Variants in DNAH17 observed in about 807,000 individuals in gnomAD.
DNAH17 encodes the protein dynein axonemal heavy chain 17.
Under a neutral mutation model 485.6 loss-of-function variants are expected in DNAH17, and 376 were observed. That is an observed-to-expected ratio of 0.77 (90% confidence interval 0.71 to 0.84). The LOEUF is 0.84. Among genes scored for constraint, DNAH17 ranks in the 40% least tolerant of loss-of-function variants. The pLI, the probability that DNAH17 is intolerant of heterozygous loss-of-function variation, is 0.00. For synonymous variants in DNAH17, 3,031 were observed against 2,405.9 expected (o/e 1.26, Z -7.60); for missense variants, 6,370 against 5,839.3 (o/e 1.09, Z -2.96).
intron 17 of DNAH17, among the ~76,000 whole-genome samples, chr17:78,541,295 TG>T (rs1450947030): frequency 1.3e-4 from 2 of 15,600 alleles, no homozygotes; most frequent in East Asian, 4.0e-3. Context: ...GATGGGTGGG[TG>T]GGGTGGGTGG....
At position 78,466,027 on chromosome 17, in the gene DNAH17, TTGCCGTGTCTG is replaced by T. The variant is rs370004454; in HGVS notation, c.8940+617_8940+627del. ...GGGAAGGGATTGAGAAATCGGATGGTTGCCGTGTCTGTGTAGAAAGAAGTAGACATGGGAGA... is the reference window on the plus strand; with the variant it reads ...GGGAAGGGATTGAGAAATCGGATGGTTGTAGAAAGAAGTAGACATGGGAGA... On this transcript the variant is annotated intron_variant, in intron 56 of 80. Coordinates refer to ENST00000389840, the MANE Select transcript of DNAH17 (RefSeq NM_173628.4). Among the ~76,000 whole-genome samples the T allele has an allele frequency of 2.5e-4, 38 of 152,206 alleles. 1 individual carries two copies. In the South Asian group the frequency reaches 7.9e-3, roughly 32 times the overall value.
chr17:78,503,708 G>A (rs1253174064), intron 31 of DNAH17, among the ~76,000 whole-genome samples: 3 of 151,292 alleles, frequency 2.0e-5, no homozygotes, highest in African/African-American at 7.3e-5. Flanking sequence ...GCTCATGTCT[G>A]TAATCCCAGC....
Position 78,513,283 on chromosome 17 carries a change from A to C in DNAH17, c.4113+1491T>G, listed in dbSNP as rs145789711. The stretch of plus-strand genomic sequence containing the variant: ...GACCAAACAGAATGTTTGTAGCAAC[A>C]TGATACAACACATGACAGATAGCAG... On this transcript the variant is annotated intron_variant, in intron 26 of 80. Coordinates refer to ENST00000389840, the MANE Select transcript of DNAH17 (RefSeq NM_173628.4). Among the ~76,000 whole-genome samples the C allele has an allele frequency of 2.2e-3, 342 of 152,290 alleles. 4 individuals carry two copies. Among genetic ancestry groups the C allele is most frequent in the African/African-American group, 8.0e-3 (331 of 41,562 alleles).
intron 13 of DNAH17, among the ~76,000 whole-genome samples, 189 bp downstream of exon 13, chr17:78,560,551 A>G (rs1010772991): frequency 6.6e-5 from 10 of 152,162 alleles, no homozygotes; most frequent in African/African-American, 2.4e-4. Flanking sequence ...TACTCATTGA[A>G]GCTATTGTCA....
intron 40 of DNAH17, 148 bp from the exon 41 acceptor site, chr17:78,494,321 A>C: frequency 1.0e-5 from 13 of 1,251,186 alleles, no homozygotes; most frequent in Non-Finnish European, 1.4e-5. Context: ...TTCTGCTGTC[A>C]ATGCCGAGAG....
intron 55 of DNAH17, among the ~76,000 whole-genome samples, chr17:78,467,967 A>G (rs2088557247): frequency 6.6e-6 from 1 of 151,508 alleles, no homozygotes; most frequent in Non-Finnish European, 1.5e-5. Context: ...GCAGTGAGCT[A>G]AGATCACGCC....
chr17:78,502,834 T>C, intron 32 of DNAH17, 52 bp downstream of exon 32: 5 of 1,596,990 alleles, frequency 3.1e-6, no homozygotes, highest in Non-Finnish European at 4.3e-6. Context: ...GCAAAGAAAC[T>C]CGCCCCTTAT....
Position 78,518,086 on chromosome 17 carries a change from A to G in DNAH17, c.3865-3064T>C, listed in dbSNP as rs76560350. On this transcript the variant is annotated intron_variant, in intron 25 of 80. Transcript: ENST00000389840. ...GTTAAAATAAAAGAGAGTCAGAGGA[A>G]TAAGAAACAAAGGGAACAAACAGAA... is the stretch of plus-strand genomic sequence containing the variant. 6.4e-3 allele frequency among the ~76,000 whole-genome samples: 977 copies of G among 152,336 alleles called. 24 individuals are homozygous for G. Among genetic ancestry groups the G allele is most frequent in the East Asian group, 0.046 (237 of 5,186 alleles).
intron 74 of DNAH17, 149 bp from the exon 75 acceptor site, chr17:78,434,369 C>CT (rs1197057182): frequency 3.1e-6 from 2 of 636,150 alleles, no homozygotes; most frequent in South Asian, 4.8e-5. Flanking sequence ...GTGCAGGTCT[C>CT]TATCAGACCC....
Position 78,575,026 on chromosome 17 carries a change from T to C in DNAH17, c.32A>G (p.Tyr11Cys). 5 of 1,613,890 alleles carry C rather than the reference T, an allele frequency of 3.1e-6. No homozygotes were observed. Among genetic ancestry groups the C allele is most frequent in the Non-Finnish European group, 3.4e-6 (4 of 1,179,838 alleles). Reference sequence around the variant, plus strand: ...GACGATGGAGGCAACTTCCTCCAGATACTCTAGTCTGACGTCCGGGGCCAT... The same window carrying C: ...GACGATGGAGGCAACTTCCTCCAGACACTCTAGTCTGACGTCCGGGGCCAT... MTMAPDVRLE[Y>C]LEEVASIVLK... The change falls in exon 2 of 81, where the codon TAT becomes TGT. Residue 11 changes from tyrosine (Y) to cysteine (C), a missense_variant. Physicochemically the swap from Tyr to Cys is radical, Grantham distance 194. Coordinates refer to ENST00000389840, the MANE Select transcript of DNAH17 (RefSeq NM_173628.4).
chr17:78,510,342 C>A (rs1239481080), intron 27 of DNAH17, 42 bp downstream of exon 27: 1 of 1,602,550 alleles, frequency 6.2e-7, no homozygotes, highest in Non-Finnish European at 8.5e-7. Context: ...CAGTTTCAGG[C>A]TGATCCCACG....
intron 11 of DNAH17, among the ~76,000 whole-genome samples, chr17:78,562,427 TA>T (rs1331248141): frequency 6.6e-6 from 1 of 151,504 alleles, no homozygotes; most frequent in African/African-American, 2.4e-5. Flanking sequence ...CTACAAAAAA[TA>T]AAAATAAAAA....
At position 78,490,856 on chromosome 17, in the gene DNAH17, G is replaced by C; in HGVS notation, c.6670-9C>G. 1 of 1,589,164 alleles carries C rather than the reference G, an allele frequency of 6.3e-7. No individual in the cohort carries two copies. Among genetic ancestry groups the C allele is most frequent in the Non-Finnish European group, 8.6e-7 (1 of 1,166,264 alleles). ...CTGGCCAGGGTGAGGACCTAGGAGG[G>C]GGACAGCAGCCCGTGGGGTCCTAAG... On this transcript the variant is annotated splice_polypyrimidine_tract_variant and intron_variant, in intron 43 of 80. Transcript: ENST00000389840.
chr17:78,485,673 C>T lies in DNAH17; in HGVS notation c.7360G>A (p.Val2454Met), dbSNP rs754342046. 1.9e-6 allele frequency: 3 copies of T among 1,614,010 alleles called. No individual in the cohort carries two copies. Among genetic ancestry groups the T allele is most frequent in the East Asian group, 4.5e-5 (2 of 44,888 alleles). ...GACTTGCCCGTCCCCGCGTTCCCCA[C>T]CAGCATCACCGGCCAGGACTTCTCC... ...LMEKSWPVML[V>M]GNAGTGKSVL... The change falls in exon 47 of 81, where the codon GTG becomes ATG. Residue 2454 changes from valine (V) to methionine (M), a missense_variant. Transcript: ENST00000389840.
intron 74 of DNAH17, among the ~76,000 whole-genome samples, chr17:78,435,287 C>G (rs16971269): frequency 0.26 from 39,211 of 152,102 alleles, 5,324 homozygotes; most frequent in Middle Eastern, 0.35. Flanking sequence ...CAGAGTCCAT[C>G]CGATCCGGTG....
chr17:78,553,303 T>G (rs1487000637), intron 14 of DNAH17, among the ~76,000 whole-genome samples: 6 of 75,480 alleles, frequency 7.9e-5, no homozygotes, highest in African/African-American at 3.3e-4. Flanking sequence ...TTTTTTTTTT[T>G]TTTTTTTTTT....
intron 56 of DNAH17, among the ~76,000 whole-genome samples, chr17:78,465,292 C>A (rs2088368241): frequency 6.6e-6 from 1 of 151,410 alleles, no homozygotes; most frequent in African/African-American, 2.4e-5. Context: ...ACCTCCACCT[C>A]CCAGCTGCCT....
rs751924973 is a variant in DNAH17, at chr17:78,530,558, G to C, written c.3115-46C>G. On this transcript the variant is annotated intron_variant, in intron 20 of 80. Coordinates refer to ENST00000389840, the MANE Select transcript of DNAH17 (RefSeq NM_173628.4). ...CGGCCTGTCATAGCCTGCAAGCCTA[G>C]GGGGGGCGTCAGCACAGGGCCTCAG... 2.6e-4 allele frequency: 398 copies of C among 1,554,708 alleles called. 1 individual carries two copies. The highest frequency in any genetic ancestry group is 9.0e-4 in the Admixed American group (51 of 56,726).
chr17:78,436,844 CCAAACAAACAAACAAACAAA>C (rs56360405), intron 74 of DNAH17, among the ~76,000 whole-genome samples: 8 of 150,272 alleles, frequency 5.3e-5, no homozygotes, highest in African/African-American at 1.5e-4. Context: ...GACTCCATCT[CCAAACAAACAAACAAACAAA>C]CAAACAAACA....
Sources: allele counts gnomAD v4.1 joint callset (sites outside exome capture counted in the v4.1 genomes callset), GRCh38; gene constraint gnomAD v4.1.1; transcripts MANE v1.5; gene names NCBI Gene and HGNC (gene_info 2026-07-23, HGNC 2026-07-21).